Variants in HIRA observed in about 807,000 individuals in gnomAD.
HIRA encodes the protein protein HIRA.
In HIRA, 13 loss-of-function variants were observed where a neutral mutation model predicts 126.6. That is an observed-to-expected ratio of 0.10 (90% CI 0.07 to 0.16). HIRA has a LOEUF of 0.16. Ranked by LOEUF, HIRA falls within the 10% of genes least tolerant of loss-of-function variation. The pLI is 1.00. For missense variants in HIRA, 834 were observed against 1,314.4 expected (o/e 0.63, Z 5.65); for synonymous variants, 511 against 520.0 (o/e 0.98, Z 0.24).
intron 24 of HIRA, 72 bp from the exon 25 acceptor site, chr22:19,331,628 T>G: frequency 6.4e-6 from 9 of 1,406,232 alleles, no homozygotes; most frequent in Non-Finnish European, 8.7e-6. Flanking sequence ...TTTCCTGGCC[T>G]GGCAGAGAAC....
intron 14 of HIRA, 45 bp downstream of exon 14, chr22:19,377,824 C>A: frequency 6.7e-7 from 1 of 1,499,220 alleles, no homozygotes; most frequent in Non-Finnish European, 9.0e-7. Context: ...ATGTGCAAAC[C>A]TGAACTTTCC....
chr22:19,361,301 A>G lies in HIRA; in HGVS notation c.2021T>C (p.Leu674Pro), dbSNP rs778130021. The G allele has an allele frequency of 1.2e-6, 2 of 1,614,244 alleles. No homozygotes were observed. Among genetic ancestry groups the G allele is most frequent in the Non-Finnish European group, 1.7e-6 (2 of 1,180,030 alleles). Residue 674 changes from leucine (L) to proline (P), a missense_variant, in exon 17 of 25, where the codon CTG becomes CCG. Around this residue, in one of 5 missense-constraint regions of HIRA, gnomAD observed 468 missense variants for 574.2 expected, o/e 0.82. Transcript: ENST00000263208. ...ALTAEKEAMC[L>P]SAPALALKLP... ...CTTCAGTGCAAGTGCTGGTGCAGAC[A>G]GACACATGGCCTCCTTCTCTGCGGT... is the stretch of plus-strand genomic sequence containing the variant.
At chr22:19,420,377 G>GA (rs2089434546) in intron 1 of HIRA, among the ~76,000 whole-genome samples, 1 of 141,926 alleles carries the variant, frequency 7.0e-6, no homozygotes, top group Non-Finnish European at 1.5e-5. Context: ...GAGGTGGGAG[G>GA]ATCTATTGAG....
chr22:19,396,797 G>C lies in HIRA; in HGVS notation c.644C>G (p.Pro215Arg). ...GCTGTCCCCACTTACCTCATCAAAA[G>C]GCTTGGTGATGCTGGTCTCCAACTG... Reference protein sequence around the residue: ...DWQLETSITKPFDECGGTTHV... With the variant: ...DWQLETSITKRFDECGGTTHV... Residue 215 changes from proline (P) to arginine (R), a missense_variant, in exon 7 of 25, where the codon CCT (proline) becomes CGT (arginine). Pro to Arg is a moderately radical substitution (Grantham distance 103). This residue lies in a region of HIRA where 53 missense variants were observed against 163.7 expected (regional missense o/e 0.32). Coordinates refer to ENST00000263208, the MANE Select transcript of HIRA (RefSeq NM_003325.4). 1 of 1,614,086 alleles carries C rather than the reference G, an allele frequency of 6.2e-7. No individual in the cohort carries two copies. The highest frequency in any genetic ancestry group is 8.5e-7 in the Non-Finnish European group (1 of 1,179,996).
chr22:19,332,903 C>T (rs926779252), intron 24 of HIRA, among the ~76,000 whole-genome samples: 3 of 151,360 alleles, frequency 2.0e-5, no homozygotes, highest in Admixed American at 6.6e-5. Context: ...TTTAGAAAAA[C>T]AATTTTATTT....
At chr22:19,418,036 C>A (rs1038352151) in intron 1 of HIRA, among the ~76,000 whole-genome samples, 15 of 152,236 alleles carry the variant, frequency 9.9e-5, no homozygotes, top group Middle Eastern at 3.4e-3. Context: ...TATGAATAGT[C>A]AAATTCATAG....
chr22:19,418,998 T>C (rs1470205054), intron 1 of HIRA, among the ~76,000 whole-genome samples: 1 of 152,060 alleles, frequency 6.6e-6, no homozygotes, highest in Non-Finnish European at 1.5e-5. Flanking sequence ...TACTAATATA[T>C]AAGGCAGTAG....
intron 21 of HIRA, 104 bp downstream of exon 21, chr22:19,355,656 G>T (rs1556012246): frequency 6.6e-6 from 5 of 756,372 alleles, no homozygotes; most frequent in East Asian, 2.6e-5. Flanking sequence ...TGACTCTCAG[G>T]AAAAGCAGGG....
At chr22:19,366,455 T>TTA (rs1601821224) in intron 15 of HIRA, among the ~76,000 whole-genome samples, 1 of 152,240 alleles carries the variant, frequency 6.6e-6, no homozygotes, top group East Asian at 1.9e-4. Flanking sequence ...CTAGATGTCA[T>TTA]TAAGAACATC....
At chr22:19,388,845 T>C (rs1484770246) in intron 9 of HIRA, among the ~76,000 whole-genome samples, 1 of 151,440 alleles carries the variant, frequency 6.6e-6, no homozygotes, top group Admixed American at 6.6e-5. Flanking sequence ...AGAGTGGGAG[T>C]GGGTTTCTGA....
chr22:19,333,710 T>C (rs148439107), intron 24 of HIRA, among the ~76,000 whole-genome samples: 1,648 of 152,300 alleles, frequency 0.011, 20 homozygotes, highest in Middle Eastern at 0.014. Flanking sequence ...AGAACTCCCA[T>C]TATGGATTCA....
rs1292333373 is a variant in HIRA, at chr22:19,331,545, C to T, written c.2949G>A (p.Lys983=). ...QWESTVVGLR[K]RELLKELLPV... Reference sequence around the variant, plus strand: ...GTAGCAGCTCCTTCAGCAGCTCCCTCTTCCGCAGACCCTGTGGACACAGAG... The same window carrying T: ...GTAGCAGCTCCTTCAGCAGCTCCCTTTTCCGCAGACCCTGTGGACACAGAG... The change falls in exon 25 of 25, where the codon AAG becomes AAA. Residue 983 remains lysine, a synonymous_variant. Coordinates refer to ENST00000263208, the MANE Select transcript of HIRA (RefSeq NM_003325.4). 1 of 1,601,736 alleles carries T rather than the reference C, an allele frequency of 6.2e-7. No homozygotes were observed.
At chr22:19,348,071 G>A (rs1556009467) in intron 24 of HIRA, among the ~76,000 whole-genome samples, 1 of 152,208 alleles carries the variant, frequency 6.6e-6, no homozygotes. Flanking sequence ...GCGTCAACTG[G>A]AAGTAAACTA....
intron 13 of HIRA, among the ~76,000 whole-genome samples, chr22:19,378,475 C>T (rs762643677): frequency 6.6e-6 from 1 of 152,270 alleles, no homozygotes. Context: ...CCAGCCTCTA[C>T]TGAGGGACCA....
In HIRA at chr22:19,359,490, T is replaced by C. The variant is rs369195565; in HGVS notation, c.2086-6A>G. On this transcript the variant is annotated splice_region_variant and splice_polypyrimidine_tract_variant and intron_variant, in intron 17 of 24. Coordinates refer to ENST00000263208, the MANE Select transcript of HIRA (RefSeq NM_003325.4). Reference sequence around the variant, plus strand: ...ATGGAAGGATCGGAGCTGACCTGGATGAAGTAAACACACGGGTCTGCTCAG... The same window carrying C: ...ATGGAAGGATCGGAGCTGACCTGGACGAAGTAAACACACGGGTCTGCTCAG... The C allele has an allele frequency of 6.3e-7, 1 of 1,598,422 alleles. No individual in the cohort carries two copies. Among genetic ancestry groups the C allele is most frequent in the Non-Finnish European group, 8.5e-7 (1 of 1,172,738 alleles).
At chr22:19,373,625 G>A (rs1312934214) in intron 15 of HIRA, among the ~76,000 whole-genome samples, 2 of 152,134 alleles carry the variant, frequency 1.3e-5, no homozygotes, top group African/African-American at 4.8e-5. Flanking sequence ...GTATTAAACT[G>A]GCCCTGAATC....
chr22:19,404,679 G>A (rs1216251479), intron 5 of HIRA, among the ~76,000 whole-genome samples: 1 of 152,030 alleles, frequency 6.6e-6, no homozygotes, highest in Non-Finnish European at 1.5e-5. Flanking sequence ...AGAGCTCCAG[G>A]CTCAATTTGA....
chr22:19,430,161 A>AG (rs1166319462), intron 1 of HIRA: 1 of 152,238 alleles, frequency 6.6e-6, no homozygotes, highest in African/African-American at 2.4e-5. Flanking sequence ...GGCATACAGA[A>AG]GGGACTGAGG....
chr22:19,379,816 G>A (rs1441826662), intron 13 of HIRA, among the ~76,000 whole-genome samples: 1 of 151,680 alleles, frequency 6.6e-6, no homozygotes, highest in African/African-American at 2.4e-5. Context: ...ACTATTTATG[G>A]CCTTTTTTTT....
Sources: allele counts gnomAD v4.1 joint callset (sites outside exome capture counted in the v4.1 genomes callset), GRCh38; gene constraint gnomAD v4.1.1; regional missense constraint gnomAD v4.1.1; transcripts MANE v1.5; gene names NCBI Gene and HGNC (gene_info 2026-07-23, HGNC 2026-07-21).